ABTB3: variants seen among roughly 807,000 people sequenced by gnomAD.
The protein encoded by ABTB3 is ankyrin repeat and BTB domain containing 3, also known as ankyrin repeat- and BTB/POZ domain-containing protein 3.
the ABTB3 span, among the ~76,000 whole-genome samples, chr12:107,344,095 T>C: frequency 6.6e-6 from 1 of 152,190 alleles, no homozygotes; most frequent in African/African-American, 2.4e-5. Flanking sequence ...GGTAGCCTCA[T>C]GGTCCCAATA....
chr12:107,617,054 C>A, the ABTB3 span: 1 of 1,600,356 alleles, frequency 6.2e-7, no homozygotes, highest in Non-Finnish European at 8.6e-7. Flanking sequence ...AGTGTATCTC[C>A]TCTCACCGTC....
At chr12:107,592,919 C>T in the ABTB3 span, among the ~76,000 whole-genome samples, 1 of 152,032 alleles carries the variant, frequency 6.6e-6, no homozygotes, top group Non-Finnish European at 1.5e-5. Context: ...GAAAATAATT[C>T]ATTAACAATA....
At chr12:107,403,900 C>T in the ABTB3 span, among the ~76,000 whole-genome samples, 4 of 152,094 alleles carry the variant, frequency 2.6e-5, no homozygotes, top group East Asian at 3.9e-4. Context: ...CGGTGGCTCA[C>T]GCCTGTAATC....
the ABTB3 span, among the ~76,000 whole-genome samples, chr12:107,402,905 T>C: frequency 6.6e-6 from 1 of 152,136 alleles, no homozygotes; most frequent in East Asian, 1.9e-4. Flanking sequence ...GGCTTTTGAG[T>C]CTGTCCTGCT....
the ABTB3 span, among the ~76,000 whole-genome samples, chr12:107,331,110 A>T: frequency 6.6e-6 from 1 of 152,156 alleles, no homozygotes; most frequent in African/African-American, 2.4e-5. Flanking sequence ...CCAGAGAGTC[A>T]TGAGGTGCAC....
At chr12:107,378,708 C>A in the ABTB3 span, among the ~76,000 whole-genome samples, 1 of 152,166 alleles carries the variant, frequency 6.6e-6, no homozygotes, top group Admixed American at 6.5e-5. Context: ...CTTGTCACAA[C>A]GCATCCTGAC....
chr12:107,643,441 A>G, the ABTB3 span, among the ~76,000 whole-genome samples: 1 of 149,198 alleles, frequency 6.7e-6, no homozygotes, highest in Non-Finnish European at 1.5e-5. Flanking sequence ...TCCAAAGATA[A>G]GATAAGCCTG....
chr12:107,523,721 C>A, the ABTB3 span, among the ~76,000 whole-genome samples: 2 of 152,088 alleles, frequency 1.3e-5, no homozygotes, highest in African/African-American at 4.8e-5. Context: ...AATACGTACT[C>A]GGGGCGTTCA....
the ABTB3 span, among the ~76,000 whole-genome samples, chr12:107,332,775 A>T: frequency 6.6e-6 from 1 of 152,182 alleles, no homozygotes; most frequent in Non-Finnish European, 1.5e-5. Flanking sequence ...AGGCCATGCC[A>T]TGCGATGTTG....
the ABTB3 span, among the ~76,000 whole-genome samples, chr12:107,408,647 G>A: frequency 1.3e-5 from 2 of 152,194 alleles, no homozygotes; most frequent in Admixed American, 1.3e-4. Flanking sequence ...GGGTCTGGAA[G>A]CTCCTAAGCA....
chr12:107,318,704 C>G, the ABTB3 span: 1 of 492,328 alleles, frequency 2.0e-6, no homozygotes, highest in Non-Finnish European at 3.6e-6. Flanking sequence ...GCTCGCTCCC[C>G]ATTGCGCCCA....
the ABTB3 span, among the ~76,000 whole-genome samples, chr12:107,375,459 ATCATC>A: frequency 6.6e-6 from 1 of 151,696 alleles, no homozygotes; most frequent in African/African-American, 2.4e-5. Flanking sequence ...CATCATCATC[ATCATC>A]ATAAATAAAA....
chr12:107,564,064 GTC>G, the ABTB3 span, among the ~76,000 whole-genome samples: 1 of 149,588 alleles, frequency 6.7e-6, no homozygotes, highest in African/African-American at 2.5e-5. Context: ...CTTAAAATGA[GTC>G]TCTCTCTCTC....
At chr12:107,469,993 TTTC>T in the ABTB3 span, among the ~76,000 whole-genome samples, 1 of 104,794 alleles carries the variant, frequency 9.5e-6, no homozygotes, top group Non-Finnish European at 1.8e-5. Context: ...TCTTTCTTTC[TTTC>T]TTTCTTTCTT....
At chr12:107,647,410 T>G in the ABTB3 span, among the ~76,000 whole-genome samples, 3 of 151,792 alleles carry the variant, frequency 2.0e-5, no homozygotes, top group African/African-American at 7.3e-5. Context: ...GAGGCTGAGG[T>G]GGGGGGATTG....
At chr12:107,362,518 T>C in the ABTB3 span, among the ~76,000 whole-genome samples, 3 of 152,154 alleles carry the variant, frequency 2.0e-5, no homozygotes, top group Admixed American at 2.0e-4. Context: ...GTAGACCAGG[T>C]GTAGTGGCTC....
At chr12:107,628,418 T>C in the ABTB3 span, among the ~76,000 whole-genome samples, 1 of 152,204 alleles carries the variant, frequency 6.6e-6, no homozygotes, top group Non-Finnish European at 1.5e-5. Context: ...GCTGAGACTA[T>C]AGGCGTGAGC....
the ABTB3 span, among the ~76,000 whole-genome samples, chr12:107,388,728 T>C: frequency 6.6e-6 from 1 of 152,212 alleles, no homozygotes; most frequent in Non-Finnish European, 1.5e-5. Flanking sequence ...GGGTGTTCCT[T>C]GCTTCCCTGC....
the ABTB3 span, chr12:107,642,069 C>A: frequency 6.2e-7 from 1 of 1,609,182 alleles, no homozygotes; most frequent in South Asian, 1.1e-5. Flanking sequence ...TTTTTTATCT[C>A]TTTTTTATGT....
Sources: gnomAD v4.1 joint callset for allele counts (sites outside exome capture counted in the v4.1 genomes callset) on GRCh38, gnomAD v4.1.1 for gene constraint, MANE v1.5 for transcripts, NCBI Gene and HGNC (gene_info 2026-07-23, HGNC 2026-07-21) for gene names.